The following EIF2AK2 variants were observed in gnomAD, a reference collection of about 807,000 sequenced individuals.
EIF2AK2 encodes the protein eukaryotic translation initiation factor 2 alpha kinase 2.
In EIF2AK2, 40 loss-of-function variants were observed where a neutral mutation model predicts 70.5. The observed-to-expected ratio is 0.57, with a 90% CI of 0.44 to 0.74. EIF2AK2 has a LOEUF of 0.74. Among genes scored for constraint, EIF2AK2 ranks in the 30% least tolerant of loss-of-function variants. The probability of loss-of-function intolerance (pLI) is 0.00; values close to 1 mark genes in which losing one functional copy is unlikely to be tolerated. For missense variants in EIF2AK2, 555 were observed against 644.3 expected (o/e 0.86, Z 1.50); for synonymous variants, 198 against 220.9 (o/e 0.90, Z 0.92).
chr2:37,147,537 T>C, intron 3 of EIF2AK2, 151 bp downstream of exon 3: 1 of 320,988 alleles, frequency 3.1e-6, no homozygotes, highest in East Asian at 6.8e-5. Context: ...TGCTCAGTTC[T>C]CACCTATGAG....
chr2:37,126,967 G>GAAAAAAAAAAAAAAAAAAAAAAAA (rs57802509), intron 10 of EIF2AK2, among the ~76,000 whole-genome samples: 2 of 52,156 alleles, frequency 3.8e-5, no homozygotes, highest in African/African-American at 7.6e-5. Context: ...CAAAAAAACA[G>GAAAAAAAAAAAAAAAAAAAAAAAA]AAAAAAAAAA....
intron 4 of EIF2AK2, among the ~76,000 whole-genome samples, chr2:37,144,511 A>G (rs1489429174): frequency 6.6e-6 from 1 of 152,146 alleles, no homozygotes; most frequent in Non-Finnish European, 1.5e-5. Flanking sequence ...CTGGAGGTGG[A>G]AGATGGTGAT....
intron 12 of EIF2AK2, among the ~76,000 whole-genome samples, chr2:37,121,503 ACG>A: frequency 6.6e-6 from 1 of 152,094 alleles, no homozygotes; most frequent in Admixed American, 6.6e-5. Flanking sequence ...CCTTGCCGTC[ACG>A]GGGATAATAG....
At chr2:37,138,626 A>C in intron 6 of EIF2AK2, 41 bp from the exon 7 acceptor site, 3 of 1,571,532 alleles carry the variant, frequency 1.9e-6, no homozygotes, top group South Asian at 2.2e-5. Context: ...AAATACAACT[A>C]ATTATTTCTC....
Position 37,135,555 on chromosome 2 carries a change from T to TA in EIF2AK2, c.723-10dup. 3.7e-6 allele frequency: 6 copies of TA among 1,608,216 alleles called. No homozygotes were observed. Among genetic ancestry groups the TA allele is most frequent in the Non-Finnish European group, 4.3e-6 (5 of 1,176,364 alleles). On this transcript the variant is annotated splice_polypyrimidine_tract_variant and intron_variant, in intron 9 of 16. Transcript: ENST00000233057. Reference sequence around the variant, plus strand: ...ATCTGGGTGCCAAAGATCTAAAAATTAAGAGTTGAATGTAAAACTCAAATA... The same window carrying TA: ...ATCTGGGTGCCAAAGATCTAAAAATTAAAGAGTTGAATGTAAAACTCAAATA...
Position 37,111,248 on chromosome 2 carries a change from A to G in EIF2AK2, c.1378-1953T>C, listed in dbSNP as rs181618748. On this transcript the variant is annotated intron_variant, in intron 14 of 16. Coordinates refer to ENST00000233057, the MANE Select transcript of EIF2AK2 (RefSeq NM_001135651.3). Reference sequence around the variant, plus strand: ...TGGTGATGAAAGCACAACAATGTGAACACATTTAACGCCACTAAACTATAC... The same window carrying G: ...TGGTGATGAAAGCACAACAATGTGAGCACATTTAACGCCACTAAACTATAC... Among the ~76,000 whole-genome samples the G allele has an allele frequency of 6.1e-3, 930 of 152,318 alleles. 8 individuals are homozygous for G. The highest frequency in any genetic ancestry group is 9.6e-3 in the Non-Finnish European group (653 of 68,032).
chr2:37,134,759 T>C (rs1675065180), intron 10 of EIF2AK2, among the ~76,000 whole-genome samples: 1 of 152,068 alleles, frequency 6.6e-6, no homozygotes, highest in South Asian at 2.1e-4. Flanking sequence ...CAAAGGCTTA[T>C]TTTTTGTGTG....
intron 13 of EIF2AK2, among the ~76,000 whole-genome samples, chr2:37,116,740 T>C (rs1011465852): frequency 2.0e-5 from 3 of 152,224 alleles, no homozygotes; most frequent in Non-Finnish European, 4.4e-5. Flanking sequence ...ATTCCTATGC[T>C]ATGTTCAAGT....
At chr2:37,109,735 A>G (rs1674081915) in intron 14 of EIF2AK2, among the ~76,000 whole-genome samples, 1 of 152,254 alleles carries the variant, frequency 6.6e-6, no homozygotes, top group Non-Finnish European at 1.5e-5. Flanking sequence ...ACTACGACTC[A>G]GCAATAAAAA....
At chr2:37,131,699 T>C (rs917767986) in intron 10 of EIF2AK2, among the ~76,000 whole-genome samples, 8 of 152,106 alleles carry the variant, frequency 5.3e-5, no homozygotes, top group African/African-American at 1.9e-4. Flanking sequence ...GAGCCCCAGA[T>C]TGATTTATAG....
intron 12 of EIF2AK2, 41 bp from the exon 13 acceptor site, chr2:37,120,180 T>C (rs199859105): frequency 8.5e-7 from 1 of 1,182,884 alleles, no homozygotes; most frequent in Non-Finnish European, 1.1e-6. Context: ...TAACAATAAA[T>C]ATAAATTTAT....
intron 13 of EIF2AK2, among the ~76,000 whole-genome samples, chr2:37,116,718 T>G (rs372983230): frequency 6.6e-6 from 1 of 152,142 alleles, no homozygotes; most frequent in Non-Finnish European, 1.5e-5. Flanking sequence ...GGAGTGGATG[T>G]GGAGAGAAAA....
rs1273609482 is a variant in EIF2AK2 at position 37,154,075 on chromosome 2, C to T, written c.-184+2833G>A. Reference sequence around the variant, plus strand: ...GGCGCGGTGGCTCACACCTGTAATCCCAGCACTTTGGGAGGCCAAGGCGGG... The same window carrying T: ...GGCGCGGTGGCTCACACCTGTAATCTCAGCACTTTGGGAGGCCAAGGCGGG... On this transcript the variant is annotated intron_variant, in intron 1 of 16. Coordinates refer to ENST00000233057, the MANE Select transcript of EIF2AK2 (RefSeq NM_001135651.3). Among the ~76,000 whole-genome samples the T allele has an allele frequency of 3.3e-5, 5 of 152,212 alleles. No homozygotes were observed. In the South Asian group the frequency reaches 8.3e-4, roughly 25 times the overall value.
chr2:37,151,472 T>C (rs1675738567), intron 1 of EIF2AK2, among the ~76,000 whole-genome samples: 1 of 152,184 alleles, frequency 6.6e-6, no homozygotes, highest in Non-Finnish European at 1.5e-5. Flanking sequence ...GGTGAGGACA[T>C]GGAGAAACTG....
At chr2:37,154,443 T>C (rs1229995036) in intron 1 of EIF2AK2, among the ~76,000 whole-genome samples, 1 of 152,216 alleles carries the variant, frequency 6.6e-6, no homozygotes, top group Non-Finnish European at 1.5e-5. Flanking sequence ...TATCACTAAA[T>C]CCAGTAGTCA....
chr2:37,136,697 T>C (rs557285552), intron 9 of EIF2AK2: 74 of 217,832 alleles, frequency 3.4e-4, no homozygotes, highest in African/African-American at 1.6e-3. Context: ...AAAACACTTC[T>C]ACAGTGAAAA....
At chr2:37,128,282 C>G (rs976579948) in intron 10 of EIF2AK2, among the ~76,000 whole-genome samples, 4 of 152,134 alleles carry the variant, frequency 2.6e-5, no homozygotes, top group Admixed American at 2.6e-4. Flanking sequence ...AACATATTGT[C>G]TACAGCAGAG....
intron 4 of EIF2AK2, among the ~76,000 whole-genome samples, chr2:37,141,974 C>T (rs1675348876): frequency 6.6e-6 from 1 of 151,982 alleles, no homozygotes; most frequent in Non-Finnish European, 1.5e-5. Flanking sequence ...CTTGTTATAC[C>T]CTTTCTAATC....
intron 1 of EIF2AK2, among the ~76,000 whole-genome samples, chr2:37,152,412 G>A (rs11124561): frequency 5.3e-5 from 8 of 152,062 alleles, no homozygotes; most frequent in African/African-American, 9.7e-5. Context: ...CTCTCAAGTA[G>A]CTGGGACTAT....
Sources: gnomAD v4.1 joint callset for allele counts (sites outside exome capture counted in the v4.1 genomes callset) on GRCh38, gnomAD v4.1.1 for gene constraint, MANE v1.5 for transcripts, NCBI Gene and HGNC (gene_info 2026-07-23, HGNC 2026-07-21) for gene names.